AP3B2: variants seen among roughly 807,000 people sequenced by gnomAD.
AP3B2 encodes AP-3 complex subunit beta-2.
AP3B2 carries 50 observed loss-of-function variants against 126.9 expected under a neutral mutation model. The observed-to-expected ratio is 0.39, with a 90% CI of 0.31 to 0.50. AP3B2 has a LOEUF of 0.50. Among genes scored for constraint, AP3B2 ranks in the 20% least tolerant of loss-of-function variants. The probability of loss-of-function intolerance (pLI) is 0.79; values close to 1 mark genes in which losing one functional copy is unlikely to be tolerated. For synonymous variants in AP3B2, 541 were observed against 565.0 expected, an observed-to-expected ratio of 0.96 and a Z score of 0.60; for missense variants, 1,177 against 1,426.4, an observed-to-expected ratio of 0.83 and a Z score of 2.82.
At chr15:82,692,693 G>A (rs2048561659) in intron 1 of AP3B2, 1 of 153,682 alleles carries the variant, frequency 6.5e-6, no homozygotes, top group South Asian at 2.0e-4. Context: ...TGATTCCAGG[G>A]ACTGGAAGGG....
At chr15:82,706,345 C>T (rs558698461) in intron 1 of AP3B2, among the ~76,000 whole-genome samples, 231 of 152,258 alleles carry the variant, frequency 1.5e-3, no homozygotes, top group African/African-American at 5.2e-3. Flanking sequence ...CTAAATATGC[C>T]TTCCATATCC....
chr15:82,706,370 G>C (rs1310318988), intron 1 of AP3B2, among the ~76,000 whole-genome samples: 1 of 152,082 alleles, frequency 6.6e-6, no homozygotes, highest in African/African-American at 2.4e-5. Context: ...CCTCCATGCT[G>C]TTATATGGGC....
At chr15:82,672,605 G>A (rs964329298) in intron 14 of AP3B2, among the ~76,000 whole-genome samples, 6 of 152,192 alleles carry the variant, frequency 3.9e-5, no homozygotes, top group African/African-American at 1.4e-4. Flanking sequence ...ATAACTAAGA[G>A]AGTGTAATTT....
intron 24 of AP3B2, 29 bp downstream of exon 24, chr15:82,662,139 C>T (rs370930780): frequency 6.4e-7 from 1 of 1,567,690 alleles, no homozygotes; most frequent in Non-Finnish European, 8.7e-7. Flanking sequence ...AGCCCATCCT[C>T]TCACCCCCAC....
chr15:82,675,203 A>G (rs758518920), intron 14 of AP3B2, among the ~76,000 whole-genome samples: 1 of 152,194 alleles, frequency 6.6e-6, no homozygotes, highest in South Asian at 2.1e-4. Flanking sequence ...CAACACTGAT[A>G]ACAAGCTCAG....
chr15:82,682,494 A>G (rs1236991811), intron 4 of AP3B2, among the ~76,000 whole-genome samples: 1 of 152,130 alleles, frequency 6.6e-6, no homozygotes, highest in Non-Finnish European at 1.5e-5. Context: ...TACCTCGGAG[A>G]TATTGTGGGT....
intron 1 of AP3B2, among the ~76,000 whole-genome samples, chr15:82,698,482 G>A (rs778870528): frequency 2.7e-5 from 4 of 145,804 alleles, no homozygotes; most frequent in African/African-American, 5.1e-5. Flanking sequence ...CCCCACACAC[G>A]TCCCCCTACA....
At chr15:82,666,673 A>G in intron 15 of AP3B2, 74 bp downstream of exon 15, 1 of 1,497,580 alleles carries the variant, frequency 6.7e-7, no homozygotes, top group Non-Finnish European at 9.0e-7. Context: ...GGGCCTCAGG[A>G]AGGTCTGGGG....
intron 1 of AP3B2, chr15:82,699,959 T>C (rs1003135622): frequency 2.5e-6 from 1 of 398,748 alleles, no homozygotes; most frequent in East Asian, 3.6e-5. Flanking sequence ...CCCCAAAACT[T>C]GGTAACCGGA....
intron 1 of AP3B2, among the ~76,000 whole-genome samples, chr15:82,695,618 A>G (rs1272743483): frequency 1.3e-5 from 2 of 152,116 alleles, no homozygotes; most frequent in African/African-American, 4.8e-5. Flanking sequence ...CCCTCCTTCC[A>G]TACCTCTCCC....
intron 14 of AP3B2, among the ~76,000 whole-genome samples, chr15:82,675,814 C>G (rs72753912): frequency 1.1e-4 from 16 of 152,126 alleles, no homozygotes; most frequent in Non-Finnish European, 2.1e-4. Context: ...GTGTGGAAAT[C>G]GTCATGGTGT....
Position 82,680,305 on chromosome 15 carries a change from G to A in AP3B2, c.1056-76C>T, listed in dbSNP as rs887138553. The A allele has an allele frequency of 4.4e-6, 7 of 1,600,416 alleles. No individual in the cohort carries two copies. The African/African-American group carries it at 6.7e-5, about 15-fold the overall frequency. On this transcript the variant is annotated intron_variant, in intron 8 of 26. Coordinates refer to ENST00000535359, the MANE Select transcript of AP3B2 (RefSeq NM_001278512.2). This position sits in a 1 kb window ranked among gnomAD's most constrained non-coding sequence, Gnocchi z 6.1. ...GTCAGCGGATGAGGGGAAAAGGTGGGGCAAGTCGTTGCGGGGAGAGGACCA... is the reference window on the plus strand; with the variant it reads ...GTCAGCGGATGAGGGGAAAAGGTGGAGCAAGTCGTTGCGGGGAGAGGACCA...
At position 82,702,974 on chromosome 15, in the gene AP3B2, A is replaced by G. The variant is rs533073152; in HGVS notation, c.113+6620T>C. ...CTCCAACCTCTCTCACTATCCCTCAACCTCTTTCTCCTTTCAATCTTGGTG... is the reference window on the plus strand; with the variant it reads ...CTCCAACCTCTCTCACTATCCCTCAGCCTCTTTCTCCTTTCAATCTTGGTG... On this transcript the variant is annotated intron_variant, in intron 1 of 26. Coordinates refer to ENST00000535359, the MANE Select transcript of AP3B2 (RefSeq NM_001278512.2). 4.2e-4 allele frequency among the ~76,000 whole-genome samples: 63 copies of G among 150,464 alleles called. 2 individuals are homozygous for G. Among genetic ancestry groups the G allele is most frequent in the Admixed American group, 3.8e-3 (57 of 15,182 alleles).
Position 82,659,607 on chromosome 15 carries a change from T to C in AP3B2, c.3259A>G (p.Ile1087Val), listed in dbSNP as rs1236821451. 2 of 1,613,810 alleles carry C rather than the reference T, an allele frequency of 1.2e-6. No homozygotes were observed. Among genetic ancestry groups the C allele is most frequent in the Non-Finnish European group, 1.7e-6 (2 of 1,179,872 alleles). Reference protein sequence around the residue: ...QLTVNSEKMVIGTMLVKDVIQ... With the variant: ...QLTVNSEKMVVGTMLVKDVIQ... ...ACATCCTTTACCAGCATGGTGCCAA[T>C]CACCATTTTCTCGCTGTTGACAGTC... Residue 1087 changes from isoleucine to valine, a missense_variant, in exon 27 of 27, where the codon ATT (isoleucine) becomes GTT (valine). Transcript: ENST00000535359.
intron 1 of AP3B2, among the ~76,000 whole-genome samples, chr15:82,690,911 C>T (rs1468448312): frequency 2.6e-5 from 4 of 152,140 alleles, no homozygotes; most frequent in African/African-American, 9.7e-5. Context: ...CCGTCTTGGC[C>T]TCCCAAAGTG....
intron 1 of AP3B2, among the ~76,000 whole-genome samples, chr15:82,698,489 TACAC>T (rs745881095): frequency 2.1e-5 from 3 of 145,214 alleles, no homozygotes; most frequent in African/African-American, 7.7e-5. Context: ...CACGTCCCCC[TACAC>T]ACACACACAC....
chr15:82,701,083 A>C (rs888720745), intron 1 of AP3B2, among the ~76,000 whole-genome samples: 12 of 151,092 alleles, frequency 7.9e-5, no homozygotes, highest in African/African-American at 2.9e-4. Context: ...TTAGTCTTGA[A>C]CTCTTGATTT....
At chr15:82,660,849 CCT>C (rs537893484) in intron 25 of AP3B2, among the ~76,000 whole-genome samples, 20 of 152,286 alleles carry the variant, frequency 1.3e-4, no homozygotes, top group African/African-American at 4.8e-4. Flanking sequence ...GTGCCAATGC[CCT>C]GTCTCCCTCC....
In AP3B2 at chr15:82,680,047, T is replaced by A. The variant is rs1044349928; in HGVS notation, c.1110+128A>T. On this transcript the variant is annotated intron_variant, in intron 9 of 26. Coordinates refer to ENST00000535359, the MANE Select transcript of AP3B2 (RefSeq NM_001278512.2). The surrounding 1 kb of genome is among the most constrained non-coding windows in gnomAD (Gnocchi z 6.1). ...TGTATTTGGAGCCTCCCCTGCCCCATCCTCTGCACAGCCAGGGTATTCCTC... is the reference window on the plus strand; with the variant it reads ...TGTATTTGGAGCCTCCCCTGCCCCAACCTCTGCACAGCCAGGGTATTCCTC... The A allele has an allele frequency of 1.4e-4, 191 of 1,343,884 alleles. No individual in the cohort carries two copies. The highest frequency in any genetic ancestry group is 1.8e-4 in the Non-Finnish European group (179 of 975,292). 83.2% of individuals were successfully genotyped at this position (1,343,884 alleles called of 1,614,324 possible).
Sources: gnomAD v4.1 joint callset for allele counts (sites outside exome capture counted in the v4.1 genomes callset) on GRCh38, gnomAD v4.1.1 for gene constraint, Gnocchi (gnomAD v3.1) non-coding constraint, MANE v1.5 for transcripts, NCBI Gene and HGNC (gene_info 2026-07-23, HGNC 2026-07-21) for gene names.